KDM4A: variants seen among roughly 807,000 people sequenced by gnomAD.
KDM4A encodes the protein lysine demethylase 4A.
KDM4A carries 23 observed loss-of-function variants against 127.1 expected under a neutral mutation model. The observed-to-expected ratio is 0.18, with a 90% CI of 0.13 to 0.26. The LOEUF (loss-of-function observed/expected upper bound fraction) is 0.26, where lower values mean the gene tolerates loss of function less well. KDM4A is among the 10% of genes least tolerant of loss of function. KDM4A has a pLI of 1.00. For synonymous variants in KDM4A, 443 were observed against 466.5 expected, an observed-to-expected ratio of 0.95 and a Z score of 0.65; for missense variants, 890 against 1,329.1, an observed-to-expected ratio of 0.67 and a Z score of 5.14.
Position 43,653,228 on chromosome 1 carries a change from A to G in KDM4A, c.53A>G (p.Tyr18Cys), listed in dbSNP as rs1259711408. 6.2e-7 allele frequency: 1 copy of G among 1,614,014 alleles called. No homozygotes were observed. Among genetic ancestry groups the G allele is most frequent in the Non-Finnish European group, 8.5e-7 (1 of 1,179,920 alleles). Residue 18 changes from tyrosine to cysteine, a missense_variant, in exon 2 of 22, where the codon TAT (tyrosine) becomes TGT (cysteine). By Grantham distance (194) the Tyr-to-Cys change is radical. This residue lies in a region of KDM4A where 35 missense variants were observed against 27.7 expected (regional missense o/e 1.26). Coordinates refer to ENST00000372396, the MANE Select transcript of KDM4A (RefSeq NM_014663.3). ...LNPSARIMTF[Y>C]PTMEEFRNFS... ...CCCAGTGCTAGGATAATGACCTTTT[A>G]TCCAACTATGGAAGAGTTCCGAAAC...
At chr1:43,655,570 T>C (rs377628140) in intron 2 of KDM4A, 21 bp from the exon 3 acceptor site, 36 of 1,584,300 alleles carry the variant, frequency 2.3e-5, no homozygotes, top group Non-Finnish European at 2.9e-5. Context: ...TCTGTCTTTT[T>C]GTTTCTTGTG....
At chr1:43,670,571 T>C (rs1660596087) in intron 10 of KDM4A, among the ~76,000 whole-genome samples, 1 of 145,110 alleles carries the variant, frequency 6.9e-6, no homozygotes, top group Non-Finnish European at 1.5e-5. Flanking sequence ...TTTTTTTTTT[T>C]TTTTTTTTTT....
rs769811051 is a variant in KDM4A at position 43,703,594 on chromosome 1, CTCCT to C, written c.2842-14_2842-11del. 6.2e-7 allele frequency: 1 copy of C among 1,612,892 alleles called. No homozygotes were observed. The highest frequency in any genetic ancestry group is 1.3e-5 in the African/African-American group (1 of 74,994). ...TGTGCAGGTGGACGTTCCTTTCACC[CTCCT>C]TCCTTCCTGTTTCCTCAGAGCCAGG... is the stretch of plus-strand genomic sequence containing the variant. On this transcript the variant is annotated intron_variant, in intron 19 of 21. Coordinates refer to ENST00000372396, the MANE Select transcript of KDM4A (RefSeq NM_014663.3).
At chr1:43,671,377 G>A in intron 10 of KDM4A, 128 bp from the exon 11 acceptor site, 2 of 1,007,254 alleles carry the variant, frequency 2.0e-6, no homozygotes, top group South Asian at 1.9e-5. Flanking sequence ...GCCCCTCAGT[G>A]ACAGAGCCAG....
intron 11 of KDM4A, 66 bp from the exon 12 acceptor site, chr1:43,683,618 T>C: frequency 6.4e-7 from 1 of 1,552,032 alleles, no homozygotes; most frequent in Non-Finnish European, 8.7e-7. Context: ...GTTTTCATTG[T>C]AAGGGTGACT....
chr1:43,697,726 C>T, intron 18 of KDM4A, 117 bp from the exon 19 acceptor site: 2 of 1,017,718 alleles, frequency 2.0e-6, no homozygotes, highest in Admixed American at 2.5e-5. Flanking sequence ...CTCCTTTTTA[C>T]TTTTACTTTC....
Position 43,700,613 on chromosome 1 carries a change from G to A in KDM4A, c.2841+2600G>A, listed in dbSNP as rs186252984. On this transcript the variant is annotated intron_variant, in intron 19 of 21. Coordinates refer to ENST00000372396, the MANE Select transcript of KDM4A (RefSeq NM_014663.3). Reference sequence around the variant, plus strand: ...GCATGCATGGCTATTTGTAGAAATGGGGTCTTGCCATCTTGCCCAGGTAGT... The same window carrying A: ...GCATGCATGGCTATTTGTAGAAATGAGGTCTTGCCATCTTGCCCAGGTAGT... Among the ~76,000 whole-genome samples the A allele has an allele frequency of 7.2e-5, 11 of 152,090 alleles. No individual in the cohort carries two copies. In the East Asian group the frequency reaches 1.2e-3, roughly 16 times the overall value.
At chr1:43,652,745 A>C (rs950404245) in intron 1 of KDM4A, among the ~76,000 whole-genome samples, 1 of 145,974 alleles carries the variant, frequency 6.9e-6, no homozygotes, top group Non-Finnish European at 1.5e-5. Context: ...GCGATGGCGC[A>C]ATCTTGGCTC....
At chr1:43,677,263 C>T (rs962909484) in intron 11 of KDM4A, among the ~76,000 whole-genome samples, 3 of 148,724 alleles carry the variant, frequency 2.0e-5, no homozygotes, top group Non-Finnish European at 4.4e-5. Context: ...GAGAATTGCT[C>T]GAATCTGAGA....
chr1:43,677,219 C>T (rs1418724501), intron 11 of KDM4A, among the ~76,000 whole-genome samples: 1 of 151,954 alleles, frequency 6.6e-6, no homozygotes, highest in Non-Finnish European at 1.5e-5. Context: ...TTGGCGGGTG[C>T]CTGTAATCCC....
chr1:43,681,076 T>A (rs1384474815), intron 11 of KDM4A, among the ~76,000 whole-genome samples: 1 of 152,144 alleles, frequency 6.6e-6, no homozygotes, highest in African/African-American at 2.4e-5. Flanking sequence ...CCCTTGATCT[T>A]CTCAAAAATA....
rs1019164862 is a variant in KDM4A, at chr1:43,685,717, G to A, written c.1855+1913G>A. On this transcript the variant is annotated intron_variant, in intron 12 of 21. Transcript: ENST00000372396. ...CAGGAGGCAGAATTTGCAGTGAGCTGAGACCATGCCACTGCACTCCAGCCT... is the reference window on the plus strand; with the variant it reads ...CAGGAGGCAGAATTTGCAGTGAGCTAAGACCATGCCACTGCACTCCAGCCT... Among the ~76,000 whole-genome samples the A allele has an allele frequency of 2.0e-5, 3 of 152,156 alleles. No individual in the cohort carries two copies. In the South Asian group the frequency reaches 6.2e-4, roughly 32 times the overall value.
chr1:43,662,990 C>G lies in KDM4A; in HGVS notation c.526C>G (p.Leu176Val), dbSNP rs377077968. 75 of 1,614,036 alleles carry G rather than the reference C, an allele frequency of 4.6e-5. No homozygotes were observed. The highest frequency in any genetic ancestry group is 5.9e-5 in the Non-Finnish European group (70 of 1,180,018). Residue 176 changes from leucine to valine, a missense_variant, in exon 5 of 22, where the codon CTG (leucine) becomes GTG (valine). Leu to Val is a conservative substitution (Grantham distance 32, BLOSUM62 1). Coordinates refer to ENST00000372396, the MANE Select transcript of KDM4A (RefSeq NM_014663.3). ...ITIEGVNTPY[L>V]YFGMWKTSFA... is the part of the protein sequence containing the mutation. ...CATTGAGGGTGTGAACACCCCATAC[C>G]TGTACTTTGGCATGTGGAAGACATC...
intron 12 of KDM4A, among the ~76,000 whole-genome samples, chr1:43,685,272 C>T (rs1247928731): frequency 6.6e-6 from 1 of 152,088 alleles, no homozygotes; most frequent in African/African-American, 2.4e-5. Flanking sequence ...CCTTGGCTGC[C>T]TGAAGCCCAG....
At chr1:43,670,210 GAGAA>G (rs1328248338) in intron 10 of KDM4A, among the ~76,000 whole-genome samples, 1 of 152,198 alleles carries the variant, frequency 6.6e-6, no homozygotes, top group Non-Finnish European at 1.5e-5. Context: ...AGATTTGTTA[GAGAA>G]AGGCTTGTAT....
chr1:43,664,797 CTTATAAAAG>C (rs1660462808), intron 5 of KDM4A, among the ~76,000 whole-genome samples: 1 of 152,140 alleles, frequency 6.6e-6, no homozygotes, highest in African/African-American at 2.4e-5. Context: ...TTTGAATTCT[CTTATAAAAG>C]AAGGTTTTCC....
At chr1:43,665,643 T>C in intron 5 of KDM4A, 53 bp from the exon 6 acceptor site, 1 of 1,573,150 alleles carries the variant, frequency 6.4e-7, no homozygotes, top group South Asian at 1.1e-5. Context: ...ATAAGTCCCT[T>C]AGCTTCTGTA....
At chr1:43,703,787 G>T (rs763910908) in intron 20 of KDM4A, 51 bp downstream of exon 20, 7 of 1,609,186 alleles carry the variant, frequency 4.4e-6, no homozygotes, top group Non-Finnish European at 2.5e-6. Context: ...GATTAATTCT[G>T]TGCTTCCTGT....
At chr1:43,691,448 T>A in intron 14 of KDM4A, 48 bp from the exon 15 acceptor site, 2 of 1,473,722 alleles carry the variant, frequency 1.4e-6, no homozygotes, top group East Asian at 4.5e-5. Flanking sequence ...ATCTACCTTT[T>A]GACTCTGACC....
Sources: allele counts gnomAD v4.1 joint callset (sites outside exome capture counted in the v4.1 genomes callset), GRCh38; gene constraint gnomAD v4.1.1; regional missense constraint gnomAD v4.1.1; transcripts MANE v1.5; gene names NCBI Gene and HGNC (gene_info 2026-07-23, HGNC 2026-07-21).